ATRNL1: variants seen among roughly 807,000 people sequenced by gnomAD.
The protein encoded by ATRNL1 is attractin-like protein 1.
A neutral mutation model predicts 182.7 loss-of-function variants in ATRNL1; 95 were observed. That is an observed-to-expected ratio of 0.52 (90% CI 0.44 to 0.62). ATRNL1 has a LOEUF of 0.62. Ranked by LOEUF, ATRNL1 falls within the 20% of genes least tolerant of loss-of-function variation. The probability of loss-of-function intolerance (pLI) is 0.00; values close to 1 mark genes in which losing one functional copy is unlikely to be tolerated. For synonymous variants in ATRNL1, 576 were observed against 568.3 expected (o/e 1.01, Z -0.19); for missense variants, 1,471 against 1,679.5 (o/e 0.88, Z 2.17).
At chr10:115,925,888 A>T (rs1223528622) in intron 28 of ATRNL1, among the ~76,000 whole-genome samples, 1 of 152,164 alleles carries the variant, frequency 6.6e-6, no homozygotes, top group Non-Finnish European at 1.5e-5. Context: ...TCAGGACCTG[A>T]ATTCAGCTCT....
At chr10:115,342,303 T>C (rs375062110) in intron 19 of ATRNL1, among the ~76,000 whole-genome samples, 4 of 152,110 alleles carry the variant, frequency 2.6e-5, no homozygotes, top group African/African-American at 9.6e-5. Flanking sequence ...GCCTTTTTTT[T>C]CCTGGTGATA....
At chr10:115,834,223 G>A (rs1285995964) in intron 27 of ATRNL1, among the ~76,000 whole-genome samples, 1 of 152,046 alleles carries the variant, frequency 6.6e-6, no homozygotes, top group Non-Finnish European at 1.5e-5. Flanking sequence ...TATTCTACTG[G>A]CATCCCATTA....
Position 115,339,050 on chromosome 10 carries a change from C to G in ATRNL1, c.3175+4631C>G, listed in dbSNP as rs181832086. Among the ~76,000 whole-genome samples, 14 of 152,240 alleles carry G rather than the reference C, an allele frequency of 9.2e-5. No individual in the cohort carries two copies. The East Asian group carries it at 2.3e-3, about 25-fold the overall frequency. Reference sequence around the variant, plus strand: ...TCACTGTAGCTGTGTCGATTTGTTTCTGAGTTCTCTGTTCTGTTCCATTGA... The same window carrying G: ...TCACTGTAGCTGTGTCGATTTGTTTGTGAGTTCTCTGTTCTGTTCCATTGA... On this transcript the variant is annotated intron_variant, in intron 19 of 28. Transcript: ENST00000355044.
chr10:115,289,225 G>GC (rs1564883610), intron 15 of ATRNL1, among the ~76,000 whole-genome samples: 1 of 152,098 alleles, frequency 6.6e-6, no homozygotes, highest in Non-Finnish European at 1.5e-5. Context: ...GGAAAGACCT[G>GC]CCCCCATGAT....
chr10:115,388,853 T>A (rs1843815093), intron 19 of ATRNL1, among the ~76,000 whole-genome samples: 1 of 152,136 alleles, frequency 6.6e-6, no homozygotes, highest in African/African-American at 2.4e-5. Flanking sequence ...ATGTATTATA[T>A]GTTTGTGGGG....
At chr10:115,190,265 A>G (rs1848118803) in intron 8 of ATRNL1, among the ~76,000 whole-genome samples, 1 of 151,986 alleles carries the variant, frequency 6.6e-6, no homozygotes, top group Non-Finnish European at 1.5e-5. Context: ...CGTTTTTTTT[A>G]CTTACTAAAT....
chr10:115,680,735 A>C (rs1946018727), intron 26 of ATRNL1, among the ~76,000 whole-genome samples: 2 of 152,184 alleles, frequency 1.3e-5, no homozygotes, highest in Admixed American at 6.6e-5. Context: ...GATATGGACA[A>C]AAATTTTAAA....
At chr10:115,889,734 T>C (rs923109747) in intron 28 of ATRNL1, among the ~76,000 whole-genome samples, 29 of 152,140 alleles carry the variant, frequency 1.9e-4, no homozygotes, top group African/African-American at 6.3e-4. Flanking sequence ...CGACACCACA[T>C]TGAAGTTTAT....
At chr10:115,778,098 A>G (rs1254424681) in intron 27 of ATRNL1, among the ~76,000 whole-genome samples, 1 of 152,220 alleles carries the variant, frequency 6.6e-6, no homozygotes, top group Non-Finnish European at 1.5e-5. Context: ...CAGAACTTTT[A>G]GCCGCAATCA....
At chr10:115,827,135 A>G (rs1950453087) in intron 27 of ATRNL1, among the ~76,000 whole-genome samples, 1 of 152,220 alleles carries the variant, frequency 6.6e-6, no homozygotes, top group African/African-American at 2.4e-5. Flanking sequence ...ACAGAACATT[A>G]ACATGCCCAA....
chr10:115,474,045 C>A (rs1554972620), intron 24 of ATRNL1, among the ~76,000 whole-genome samples: 1 of 151,126 alleles, frequency 6.6e-6, no homozygotes, highest in East Asian at 2.0e-4. Context: ...TTTTTCTATT[C>A]TGTATTTCAT....
At chr10:115,210,793 G>C (rs1321808195) in intron 8 of ATRNL1, among the ~76,000 whole-genome samples, 2 of 151,792 alleles carry the variant, frequency 1.3e-5, no homozygotes, top group African/African-American at 2.4e-5. Context: ...TGGTTGGTCT[G>C]TGTGTTAAAA....
intron 28 of ATRNL1, among the ~76,000 whole-genome samples, chr10:115,940,496 T>C (rs1277025296): frequency 6.6e-6 from 1 of 152,190 alleles, no homozygotes; most frequent in Non-Finnish European, 1.5e-5. Flanking sequence ...TTATACATGG[T>C]CTGGGCATTA....
At chr10:115,940,828 G>A (rs1360191166) in intron 28 of ATRNL1, among the ~76,000 whole-genome samples, 5 of 151,982 alleles carry the variant, frequency 3.3e-5, no homozygotes, top group Non-Finnish European at 7.4e-5. Flanking sequence ...AGCAACTTCT[G>A]ATGTTTTTAA....
chr10:115,340,974 C>G (rs1189926633), intron 19 of ATRNL1, among the ~76,000 whole-genome samples: 1 of 151,796 alleles, frequency 6.6e-6, no homozygotes, highest in East Asian at 1.9e-4. Context: ...TTTCAAAAAT[C>G]AACCTTTTGT....
In ATRNL1 at chr10:115,436,307, A is replaced by G. The variant is rs1554964829; in HGVS notation, c.3322+10005A>G. Among the ~76,000 whole-genome samples, 3 of 152,148 alleles carry G rather than the reference A, an allele frequency of 2.0e-5. No individual in the cohort carries two copies. The South Asian group carries it at 6.2e-4, about 31-fold the overall frequency. On this transcript the variant is annotated intron_variant, in intron 21 of 28. Transcript: ENST00000355044. Reference sequence around the variant, plus strand: ...GTGGCTTCTGAATAGGTCATGGCATATTATTAAAAATCCCATAAATTAGAA... The same window carrying G: ...GTGGCTTCTGAATAGGTCATGGCATGTTATTAAAAATCCCATAAATTAGAA...
At chr10:115,333,867 G>T (rs2134072257) in intron 18 of ATRNL1, among the ~76,000 whole-genome samples, 1 of 152,146 alleles carries the variant, frequency 6.6e-6, no homozygotes, top group Admixed American at 6.5e-5. Context: ...TTTCTATATT[G>T]ATTGACTCTT....
At chr10:115,841,880 G>C (rs1555097272) in intron 27 of ATRNL1, among the ~76,000 whole-genome samples, 1 of 152,032 alleles carries the variant, frequency 6.6e-6, no homozygotes, top group Non-Finnish European at 1.5e-5. Context: ...TTAGCTGCGA[G>C]CCAAGTCATC....
intron 10 of ATRNL1, among the ~76,000 whole-genome samples, chr10:115,260,463 T>C (rs1457112753): frequency 6.6e-6 from 1 of 152,216 alleles, no homozygotes; most frequent in Non-Finnish European, 1.5e-5. Context: ...TTCCACCTGA[T>C]CAGAATCCCA....
Sources: allele counts gnomAD v4.1 joint callset (sites outside exome capture counted in the v4.1 genomes callset), GRCh38; gene constraint gnomAD v4.1.1; transcripts MANE v1.5; gene names NCBI Gene and HGNC (gene_info 2026-07-23, HGNC 2026-07-21).